FRAS1: variants seen among roughly 807,000 people sequenced by gnomAD.
FRAS1 encodes the protein extracellular matrix organizing protein FRAS1.
FRAS1 carries 290 observed loss-of-function variants against 435.2 expected under a neutral mutation model. That is an observed-to-expected ratio of 0.67 (90% CI 0.61 to 0.73). The LOEUF (loss-of-function observed/expected upper bound fraction) is 0.73, where lower values mean the gene tolerates loss of function less well. FRAS1 is among the 30% of genes least tolerant of loss of function. The probability of loss-of-function intolerance (pLI) is 0.00; values close to 1 mark genes in which losing one functional copy is unlikely to be tolerated. For synonymous variants in FRAS1, 1,800 were observed against 1,851.0 expected, an observed-to-expected ratio of 0.97 and a Z score of 0.71; for missense variants, 4,860 against 5,001.5, an observed-to-expected ratio of 0.97 and a Z score of 0.85.
At chr4:78,380,638 G>T (rs1731977756) in intron 27 of FRAS1, among the ~76,000 whole-genome samples, 1 of 152,206 alleles carries the variant, frequency 6.6e-6, no homozygotes, top group African/African-American at 2.4e-5. Flanking sequence ...AGAAGTCAGA[G>T]GGTGCCCCCC....
chr4:78,302,071 T>A (rs1578237880), intron 14 of FRAS1, among the ~76,000 whole-genome samples: 1 of 151,792 alleles, frequency 6.6e-6, no homozygotes, highest in East Asian at 1.9e-4. Context: ...GTTCTCATTG[T>A]TCAATTCCCA....
intron 9 of FRAS1, among the ~76,000 whole-genome samples, chr4:78,278,367 G>A (rs976793383): frequency 2.0e-5 from 3 of 152,166 alleles, no homozygotes; most frequent in Non-Finnish European, 4.4e-5. Context: ...ATTAACCTTG[G>A]TCTTCCTTCT....
At chr4:78,059,680 C>G (rs1276232542) in intron 1 of FRAS1, among the ~76,000 whole-genome samples, 1 of 151,996 alleles carries the variant, frequency 6.6e-6, no homozygotes, top group South Asian at 2.1e-4. Context: ...CTATCACTCC[C>G]GGATAGCTCA....
At chr4:78,439,869 C>T (rs949233631) in intron 40 of FRAS1, among the ~76,000 whole-genome samples, 1 of 151,986 alleles carries the variant, frequency 6.6e-6, no homozygotes, top group Non-Finnish European at 1.5e-5. Context: ...GTATGGAAAC[C>T]CCCTAGTGCA....
chr4:78,391,000 C>T (rs1292650254), intron 29 of FRAS1, among the ~76,000 whole-genome samples: 2 of 152,268 alleles, frequency 1.3e-5, no homozygotes. Context: ...CTCCCCTGAG[C>T]AGAGCACATC....
At chr4:78,086,109 G>C (rs1302568373) in intron 2 of FRAS1, among the ~76,000 whole-genome samples, 1 of 151,710 alleles carries the variant, frequency 6.6e-6, no homozygotes, top group African/African-American at 2.4e-5. Flanking sequence ...CTAGAACTCA[G>C]GATTAAGACA....
chr4:78,112,486 G>T (rs1323015816), intron 2 of FRAS1, among the ~76,000 whole-genome samples: 1 of 151,892 alleles, frequency 6.6e-6, no homozygotes, highest in Non-Finnish European at 1.5e-5. Context: ...GAGGTCCCTG[G>T]CTTGTGAATG....
At chr4:78,324,160 A>G (rs962208701) in intron 18 of FRAS1, among the ~76,000 whole-genome samples, 2 of 151,974 alleles carry the variant, frequency 1.3e-5, no homozygotes, top group African/African-American at 4.8e-5. Flanking sequence ...TGCATTATAC[A>G]TATTACAGAA....
chr4:78,111,496 G>A (rs1385409781), intron 2 of FRAS1, among the ~76,000 whole-genome samples: 4 of 43,550 alleles, frequency 9.2e-5, no homozygotes, highest in Non-Finnish European at 1.8e-4. Flanking sequence ...GTAAACTATC[G>A]CAAGAACAAA....
At chr4:78,309,273 G>A (rs1003001481) in intron 15 of FRAS1, among the ~76,000 whole-genome samples, 3 of 152,210 alleles carry the variant, frequency 2.0e-5, no homozygotes, top group Admixed American at 2.0e-4. Flanking sequence ...CTAACTTCTA[G>A]AACTATAAGA....
At chr4:78,378,844 G>A (rs1195407601) in intron 26 of FRAS1, among the ~76,000 whole-genome samples, 2 of 152,000 alleles carry the variant, frequency 1.3e-5, no homozygotes, top group East Asian at 1.9e-4. Flanking sequence ...TCTCATGGGT[G>A]TCCTTTGAAT....
At chr4:78,074,685 G>A (rs1169676159) in intron 2 of FRAS1, among the ~76,000 whole-genome samples, 1 of 152,100 alleles carries the variant, frequency 6.6e-6, no homozygotes, top group Non-Finnish European at 1.5e-5. Flanking sequence ...GATTGGTTTA[G>A]GACTGAGTGT....
intron 1 of FRAS1, among the ~76,000 whole-genome samples, chr4:78,059,317 G>T (rs1365969679): frequency 6.6e-6 from 1 of 152,114 alleles, no homozygotes; most frequent in Non-Finnish European, 1.5e-5. Flanking sequence ...AAGGCCTTGG[G>T]AATCCACGCA....
chr4:78,363,359 G>T (rs1439775647), intron 20 of FRAS1, among the ~76,000 whole-genome samples, 154 bp from the exon 21 acceptor site: 1 of 152,190 alleles, frequency 6.6e-6, no homozygotes, highest in Non-Finnish European at 1.5e-5. Flanking sequence ...CAGGTCCCAA[G>T]CTTCTACTTT....
intron 7 of FRAS1, 38 bp from the exon 8 acceptor site, chr4:78,266,796 T>C: frequency 6.7e-7 from 1 of 1,488,160 alleles, no homozygotes; most frequent in Non-Finnish European, 9.2e-7. Context: ...GTATGGGACA[T>C]TTGATTTTCC....
chr4:78,064,994 C>T (rs72654631), intron 1 of FRAS1, among the ~76,000 whole-genome samples: 6,264 of 148,516 alleles, frequency 0.042, 172 homozygotes, highest in East Asian at 0.12. Context: ...ACCTGTTGTG[C>T]AGCTCAAAAA....
At chr4:78,307,125 T>C (rs1340928322) in intron 14 of FRAS1, among the ~76,000 whole-genome samples, 1 of 152,170 alleles carries the variant, frequency 6.6e-6, no homozygotes, top group Admixed American at 6.5e-5. Context: ...TACCCGGCAC[T>C]GTGAGGTGTC....
rs1722042417 is a variant in FRAS1, at chr4:78,541,248, C to T, written c.*124C>T. On this transcript the variant is annotated 3_prime_UTR_variant, in exon 74 of 74. Coordinates refer to ENST00000512123, the MANE Select transcript of FRAS1 (RefSeq NM_025074.7). ...ATAGCTTTGAGTGGCAGACAGCACACATCACATGCATCAACTCACAACTGA... is the reference window on the plus strand; with the variant it reads ...ATAGCTTTGAGTGGCAGACAGCACATATCACATGCATCAACTCACAACTGA... The T allele has an allele frequency of 7.9e-6, 4 of 508,478 alleles. No individual in the cohort carries two copies. The highest frequency in any genetic ancestry group is 2.0e-5 in the African/African-American group (1 of 50,982). The allele number at this position is 508,478 out of a possible 1,614,324, so 31.5% of individuals were successfully genotyped here.
Position 78,245,297 on chromosome 4 carries a change from C to A in FRAS1, c.281C>A (p.Ser94Tyr). 6.2e-7 allele frequency: 1 copy of A among 1,607,680 alleles called. No individual in the cohort carries two copies. The highest frequency in any genetic ancestry group is 8.5e-7 in the Non-Finnish European group (1 of 1,176,854). ...CPECVLRTPGSCHHEKKIHEH... is the reference protein window; with the variant it reads ...CPECVLRTPGYCHHEKKIHEH... ...GAGTGTGTTTTGAGGACTCCAGGAT[C>A]TTGCCATCATGAAAAGAAAATCCAT... Residue 94 changes from serine to tyrosine, a missense_variant, in exon 4 of 74, where the codon TCT becomes TAT. Ser to Tyr is a moderately radical substitution (Grantham distance 144, BLOSUM62 -2). Coordinates refer to ENST00000512123, the MANE Select transcript of FRAS1 (RefSeq NM_025074.7).
Sources: allele counts gnomAD v4.1 joint callset (sites outside exome capture counted in the v4.1 genomes callset), GRCh38; gene constraint gnomAD v4.1.1; transcripts MANE v1.5; gene names NCBI Gene and HGNC (gene_info 2026-07-23, HGNC 2026-07-21).